Variants in CRTC1 observed in about 807,000 individuals in gnomAD.
CRTC1 encodes the protein CREB regulated transcription coactivator 1.
A neutral mutation model predicts 66.1 loss-of-function variants in CRTC1; 18 were observed. That is an observed-to-expected ratio of 0.27 (90% CI 0.19 to 0.40). The LOEUF (loss-of-function observed/expected upper bound fraction) is 0.40, where lower values mean the gene tolerates loss of function less well. Ranked by LOEUF, CRTC1 falls within the 10% of genes least tolerant of loss-of-function variation. The pLI, the probability that CRTC1 is intolerant of heterozygous loss-of-function variation, is 1.00. For synonymous variants in CRTC1, 416 were observed against 398.8 expected (o/e 1.04, Z -0.51); for missense variants, 669 against 887.9 (o/e 0.75, Z 3.13).
intron 1 of CRTC1, among the ~76,000 whole-genome samples, chr19:18,723,714 G>GA (rs2053679819): frequency 6.6e-6 from 1 of 152,258 alleles, no homozygotes; most frequent in Non-Finnish European, 1.5e-5. Flanking sequence ...CTGGGGCCTG[G>GA]AGAGGGAGCC....
intron 6 of CRTC1, among the ~76,000 whole-genome samples, chr19:18,756,203 C>G (rs960142029): frequency 6.6e-5 from 10 of 151,876 alleles, no homozygotes; most frequent in African/African-American, 1.9e-4. Flanking sequence ...TGTGGTGGCA[C>G]TTGCCTGTAA....
chr19:18,693,090 A>AT (rs2052887917), intron 1 of CRTC1, among the ~76,000 whole-genome samples: 1 of 148,926 alleles, frequency 6.7e-6, no homozygotes, highest in African/African-American at 2.5e-5. Context: ...AAAAAAAAAA[A>AT]AAAAGAAATT....
intron 1 of CRTC1, among the ~76,000 whole-genome samples, chr19:18,716,679 T>C (rs994948526): frequency 3.9e-5 from 6 of 152,198 alleles, no homozygotes; most frequent in Admixed American, 2.6e-4. Context: ...CTGTGTCGTC[T>C]TTCCTGTAGA....
intron 1 of CRTC1, among the ~76,000 whole-genome samples, chr19:18,705,176 T>C (rs2053235686): frequency 6.6e-6 from 1 of 152,194 alleles, no homozygotes; most frequent in Non-Finnish European, 1.5e-5. Flanking sequence ...TATCCGTTCA[T>C]CTGTTGATGG....
At chr19:18,775,179 G>A (rs2054958300) in intron 12 of CRTC1, among the ~76,000 whole-genome samples, 193 bp downstream of exon 12, 1 of 152,268 alleles carries the variant, frequency 6.6e-6, no homozygotes. Context: ...GGCAGGGGTG[G>A]CCTAGCGCTG....
At chr19:18,748,815 A>G (rs556979947) in intron 4 of CRTC1, among the ~76,000 whole-genome samples, 176 of 152,196 alleles carry the variant, frequency 1.2e-3, no homozygotes, top group African/African-American at 4.1e-3. Context: ...ATATATATGT[A>G]TACTACAATA....
intron 1 of CRTC1, 98 bp downstream of exon 1, chr19:18,683,926 CG>C (rs2052623096): frequency 8.4e-5 from 1 of 11,844 alleles, no homozygotes; most frequent in African/African-American, 3.5e-4. Context: ...GGGGGCGCGG[CG>C]GGGGCGGGGC....
intron 4 of CRTC1, among the ~76,000 whole-genome samples, chr19:18,748,798 G>C (rs907958223): frequency 6.6e-6 from 1 of 151,578 alleles, no homozygotes; most frequent in Admixed American, 6.6e-5. Flanking sequence ...TAAGCAAGCT[G>C]TTCAAAATAT....
intron 8 of CRTC1, among the ~76,000 whole-genome samples, chr19:18,764,096 C>T (rs2054674434): frequency 6.6e-6 from 1 of 152,156 alleles, no homozygotes; most frequent in African/African-American, 2.4e-5. Context: ...GAAGTGCAGG[C>T]GTGACCGAGC....
Position 18,701,926 on chromosome 19 carries a change from T to TG in CRTC1, c.126+18098_126+18099insG, listed in dbSNP as rs1447137185. Among the ~76,000 whole-genome samples the TG allele has an allele frequency of 5.3e-4, 80 of 149,748 alleles. 1 individual carries two copies. Among genetic ancestry groups the TG allele is most frequent in the African/African-American group, 1.7e-3 (69 of 40,626 alleles). ...AGCCACCGCGCCCACCGTTTTGTTT[T>TG]TTTTTTTTTTTTTTGAGACGGAGTT... On this transcript the variant is annotated intron_variant, in intron 1 of 13. Transcript: ENST00000321949.
At chr19:18,728,615 C>G (rs1196367130) in intron 1 of CRTC1, among the ~76,000 whole-genome samples, 1 of 151,926 alleles carries the variant, frequency 6.6e-6, no homozygotes, top group East Asian at 1.9e-4. Flanking sequence ...AAGTGACTCT[C>G]CCGCCTCAGC....
chr19:18,747,105 G>C lies in CRTC1; in HGVS notation c.434G>C (p.Ser145Thr). 3 of 1,610,580 alleles carry C rather than the reference G, an allele frequency of 1.9e-6. No homozygotes were observed. ...TACCTCTCACCACCCGCGGACACCAGCTGGAGAAGGTCAGTGGCTGGACAC... is the reference window on the plus strand; with the variant it reads ...TACCTCTCACCACCCGCGGACACCACCTGGAGAAGGTCAGTGGCTGGACAC... ...TMYLSPPADT[S>T]WRRTNSDSAL... Residue 145 changes from serine (S) to threonine (T), a missense_variant, in exon 4 of 14, where the codon AGC becomes ACC. This residue lies in a region of CRTC1 where 214 missense variants were observed against 323.4 expected (regional missense o/e 0.66). Coordinates refer to ENST00000321949, the MANE Select transcript of CRTC1 (RefSeq NM_015321.3).
At chr19:18,759,871 C>T (rs1306454172) in intron 7 of CRTC1, 137 bp from the exon 8 acceptor site, 5 of 770,916 alleles carry the variant, frequency 6.5e-6, no homozygotes, top group Non-Finnish European at 8.5e-6. Flanking sequence ...TGCCAGCCAA[C>T]AGTGGTTTCC....
intron 1 of CRTC1, among the ~76,000 whole-genome samples, chr19:18,693,654 T>A (rs558848666): frequency 3.6e-4 from 54 of 151,006 alleles, no homozygotes; most frequent in Admixed American, 9.2e-4. Context: ...GCTACTTTTT[T>A]TTGTATTTTT....
In CRTC1 at chr19:18,743,038, G is replaced by A. The variant is rs776924441; in HGVS notation, c.243+12G>A. The A allele has an allele frequency of 3.2e-5, 50 of 1,581,530 alleles. No homozygotes were observed. The highest frequency in any genetic ancestry group is 1.7e-4 in the Middle Eastern group (1 of 6,024). On this transcript the variant is annotated intron_variant, in intron 2 of 13. Transcript: ENST00000321949. The stretch of plus-strand genomic sequence containing the variant: ...ACCTGCCCTTCCAGGTGAGTGCCCC[G>A]CCCCCTGGCCCTGCCCCATTGTGGG...
chr19:18,690,691 TG>T (rs902576001), intron 1 of CRTC1, among the ~76,000 whole-genome samples: 2 of 151,976 alleles, frequency 1.3e-5, no homozygotes, highest in Non-Finnish European at 2.9e-5. Flanking sequence ...GAGATCATCC[TG>T]GGGGGGTGGC....
intron 5 of CRTC1, among the ~76,000 whole-genome samples, chr19:18,752,228 T>G (rs1053586606): frequency 6.6e-6 from 1 of 152,046 alleles, no homozygotes; most frequent in Admixed American, 6.5e-5. Flanking sequence ...TTGGCTGTTC[T>G]CTGTAGCCTG....
rs376781799 is a variant in CRTC1 at position 18,753,485 on chromosome 19, C to G, written c.539-15C>G. ...TTCTTCTCTGATTCTCCTTCTCCCCCTCCCACCTCCCCAGTCTTACTGTTA... is the reference window on the plus strand; with the variant it reads ...TTCTTCTCTGATTCTCCTTCTCCCCGTCCCACCTCCCCAGTCTTACTGTTA... On this transcript the variant is annotated splice_polypyrimidine_tract_variant and intron_variant, in intron 5 of 13. Coordinates refer to ENST00000321949, the MANE Select transcript of CRTC1 (RefSeq NM_015321.3). 3.8e-6 allele frequency: 6 copies of G among 1,590,550 alleles called. No individual in the cohort carries two copies. Among genetic ancestry groups the G allele is most frequent in the South Asian group, 1.1e-5 (1 of 88,444 alleles).
chr19:18,745,758 G>A (rs1201635546), intron 2 of CRTC1, 65 bp from the exon 3 acceptor site: 1 of 1,602,306 alleles, frequency 6.2e-7, no homozygotes, highest in East Asian at 2.2e-5. Context: ...GGCCAGCGCT[G>A]GGGCCACAGC....
Sources: gnomAD v4.1 joint callset for allele counts (sites outside exome capture counted in the v4.1 genomes callset) on GRCh38, gnomAD v4.1.1 for gene constraint, gnomAD v4.1.1 regional missense constraint, MANE v1.5 for transcripts, NCBI Gene and HGNC (gene_info 2026-07-23, HGNC 2026-07-21) for gene names.